The following UBFD1 variants were observed in gnomAD, a reference collection of about 807,000 sequenced individuals.
UBFD1 encodes ubiquitin domain-containing protein UBFD1.
A neutral mutation model predicts 35.1 loss-of-function variants in UBFD1; 12 were observed. That is an observed-to-expected ratio of 0.34 (90% CI 0.22 to 0.55). The LOEUF (loss-of-function observed/expected upper bound fraction) is 0.55, where lower values mean the gene tolerates loss of function less well. Ranked by LOEUF, UBFD1 falls within the 20% of genes least tolerant of loss-of-function variation. The probability of loss-of-function intolerance (pLI) is 0.89; values close to 1 mark genes in which losing one functional copy is unlikely to be tolerated. For synonymous variants in UBFD1, 178 were observed against 167.6 expected (o/e 1.06, Z -0.48); for missense variants, 337 against 410.8 (o/e 0.82, Z 1.55).
Position 23,562,690 on chromosome 16 carries a change from C to T in UBFD1, c.696C>T (p.Thr232=). The change falls in exon 5 of 7, where the codon ACC becomes ACT. Residue 232 remains threonine (T), a synonymous_variant. Transcript: ENST00000395878. ...YNKSGGKVRL[T]FKLEQDQLWI... ...AATCTGGAGGAAAAGTGAGACTCAC[C>T]TTTAAACTAGAACAAGACCAGCTGT... The T allele has an allele frequency of 6.2e-7, 1 of 1,614,180 alleles. No homozygotes were observed. Among genetic ancestry groups the T allele is most frequent in the Non-Finnish European group, 8.5e-7 (1 of 1,180,028 alleles).
chr16:23,557,860 G>C (rs1183118410), intron 1 of UBFD1, 90 bp from the exon 2 acceptor site: 2 of 1,270,192 alleles, frequency 1.6e-6, no homozygotes, highest in Non-Finnish European at 2.0e-6. Flanking sequence ...GGAGAACCGC[G>C]GCTCGGGAAC....
At chr16:23,568,309 G>A (rs1386079941) in intron 6 of UBFD1, among the ~76,000 whole-genome samples, 3 of 151,584 alleles carry the variant, frequency 2.0e-5, no homozygotes, top group Non-Finnish European at 4.4e-5. Flanking sequence ...ACAGGCTCAC[G>A]CCACCACACC....
chr16:23,563,391 C>G (rs1239612187), intron 5 of UBFD1, among the ~76,000 whole-genome samples: 2 of 152,010 alleles, frequency 1.3e-5, no homozygotes, highest in Non-Finnish European at 2.9e-5. Context: ...TCTGGATCAG[C>G]CTTGCTGTTT....
chr16:23,560,237 C>CT (rs1004382138), intron 3 of UBFD1, among the ~76,000 whole-genome samples: 1 of 152,172 alleles, frequency 6.6e-6, no homozygotes, highest in East Asian at 1.9e-4. Context: ...GTTCTCTGTT[C>CT]TTTTGGCTGC....
chr16:23,560,085 G>GA (rs1210069237), intron 3 of UBFD1, among the ~76,000 whole-genome samples: 1 of 152,178 alleles, frequency 6.6e-6, no homozygotes, highest in Non-Finnish European at 1.5e-5. Flanking sequence ...GCTAGGCATG[G>GA]AAATCAACAA....
chr16:23,570,453 C>T (rs769176583), intron 6 of UBFD1, 27 bp from the exon 7 acceptor site: 14 of 1,579,628 alleles, frequency 8.9e-6, no homozygotes, highest in Middle Eastern at 3.3e-4. Context: ...TCTGAAGTAC[C>T]GCTTGGTTTT....
Position 23,559,560 on chromosome 16 carries a change from A to G in UBFD1, c.448A>G (p.Ile150Val), listed in dbSNP as rs1278018507. The change falls in exon 3 of 7, where the codon ATC (isoleucine) becomes GTC (valine). Residue 150 changes from isoleucine (I) to valine (V), a missense_variant. Around this residue, in one of 4 missense-constraint regions of UBFD1, gnomAD observed 24 missense variants for 53.7 expected, o/e 0.45. Coordinates refer to ENST00000395878, the MANE Select transcript of UBFD1 (RefSeq NM_019116.3). ...REIKVTSGAKIMVVGSTINDV... is the reference protein window; with the variant it reads ...REIKVTSGAKVMVVGSTINDV... Reference sequence around the variant, plus strand: ...AATAAAAGTGACCAGTGGGGCCAAGATCATGGTGGTTGGCTCCACCATCAA... The same window carrying G: ...AATAAAAGTGACCAGTGGGGCCAAGGTCATGGTGGTTGGCTCCACCATCAA... 8 of 1,614,190 alleles carry G rather than the reference A, an allele frequency of 5.0e-6. No individual in the cohort carries two copies. Among genetic ancestry groups the G allele is most frequent in the Non-Finnish European group, 6.8e-6 (8 of 1,180,022 alleles).
Position 23,557,775 on chromosome 16 carries a change from C to A in UBFD1, c.25+8C>A. On this transcript the variant is annotated splice_region_variant and intron_variant, in intron 1 of 6. Coordinates refer to ENST00000395878, the MANE Select transcript of UBFD1 (RefSeq NM_019116.3). ...CGGCCGGGGCCCCGGATGGTGAGTG[C>A]GGCGGGGGTGGCGGGCGCCGGGCCG... 1 of 1,282,426 alleles carries A rather than the reference C, an allele frequency of 7.8e-7. No individual in the cohort carries two copies. The highest frequency in any genetic ancestry group is 3.2e-5 in the South Asian group (1 of 31,004). 79.4% of individuals were successfully genotyped at this position (1,282,426 alleles called of 1,614,324 possible). A position where few individuals can be genotyped will look rare whatever the true frequency, so the allele number is the denominator to read the frequency against.
chr16:23,567,632 T>C (rs972165179), intron 6 of UBFD1, among the ~76,000 whole-genome samples: 1 of 152,262 alleles, frequency 6.6e-6, no homozygotes, highest in Non-Finnish European at 1.5e-5. Context: ...TTGGAGGTGT[T>C]GTGCAGGTCT....
chr16:23,559,403 T>C (rs1025378518), intron 2 of UBFD1, 65 bp from the exon 3 acceptor site: 20 of 1,430,432 alleles, frequency 1.4e-5, no homozygotes, highest in Non-Finnish European at 1.7e-5. Context: ...CAAAGAGCTG[T>C]GTAGTATCCA....
intron 6 of UBFD1, among the ~76,000 whole-genome samples, chr16:23,568,400 C>T (rs374655018): frequency 1.5e-4 from 22 of 151,304 alleles, no homozygotes; most frequent in East Asian, 1.2e-3. Flanking sequence ...CCTGGCGATC[C>T]GCCCACCTCA....
chr16:23,571,197 T>C lies in UBFD1; in HGVS notation c.*607T>C, dbSNP rs1280547175. On this transcript the variant is annotated 3_prime_UTR_variant, in exon 7 of 7. Coordinates refer to ENST00000395878, the MANE Select transcript of UBFD1 (RefSeq NM_019116.3). The stretch of plus-strand genomic sequence containing the variant: ...AAGAACCCAAAGATGTCAGTTCTTC[T>C]TTTGGTACCTCATCAACGCTTCCTT... 1.3e-5 allele frequency: 2 copies of C among 152,790 alleles called. No individual in the cohort carries two copies. Among genetic ancestry groups the C allele is most frequent in the East Asian group, 1.9e-4 (1 of 5,192 alleles). The allele number at this position is 152,790 out of a possible 1,614,324, so 9.5% of individuals were successfully genotyped here.
chr16:23,558,053 G>T lies in UBFD1; in HGVS notation c.129G>T (p.Ala43=), dbSNP rs1461517401. Residue 43 remains alanine (A), a synonymous_variant, in exon 2 of 7, where the codon GCG becomes GCT. Transcript: ENST00000395878. ...AGGCTGAAGCCGCGGCGGGGGCGGC[G>T]GCCGAGGACTCCGGCGCCGCACGAG... The part of the protein sequence containing the change: ...CLEAEAAAGA[A]AEDSGAARGS... 3.7e-6 allele frequency: 5 copies of T among 1,339,320 alleles called. No individual in the cohort carries two copies. Among genetic ancestry groups the T allele is most frequent in the Non-Finnish European group, 4.8e-6 (5 of 1,048,554 alleles). The allele number at this position is 1,339,320 out of a possible 1,614,324, so 83.0% of individuals were successfully genotyped here. A position where few individuals can be genotyped will look rare whatever the true frequency, so the allele number is the denominator to read the frequency against.
rs1342432072 is a variant in UBFD1, at chr16:23,570,499, C to T, written c.839C>T (p.Thr280Met). The change falls in exon 7 of 7, where the codon ACG (threonine) becomes ATG (methionine). Residue 280 changes from threonine to methionine, a missense_variant. By Grantham distance (81) the Thr-to-Met change is moderately conservative (BLOSUM62 -1). Transcript: ENST00000395878. ...TTCCAGGCGTTTCAGTTGGGCCCCA[C>T]GGAAGCCTCTTACTACTGGGTGTAC... is the stretch of plus-strand genomic sequence containing the variant. ...YHMMAFQLGPTEASYYWVYWV... is the reference protein window; with the variant it reads ...YHMMAFQLGPMEASYYWVYWV... The T allele has an allele frequency of 2.5e-6, 4 of 1,613,870 alleles. No homozygotes were observed. The highest frequency in any genetic ancestry group is 2.2e-5 in the East Asian group (1 of 44,894).
At chr16:23,559,742 G>T in intron 3 of UBFD1, 66 bp downstream of exon 3, 3 of 1,601,102 alleles carry the variant, frequency 1.9e-6, no homozygotes, top group Non-Finnish European at 2.6e-6. Context: ...GCCGTGGCTG[G>T]TTATATTCTC....
At chr16:23,562,048 A>G in intron 3 of UBFD1, 158 bp from the exon 4 acceptor site, 1 of 637,126 alleles carries the variant, frequency 1.6e-6, no homozygotes, top group Non-Finnish European at 2.7e-6. Flanking sequence ...GTTCTGCTGG[A>G]CAGCACTGTG....
chr16:23,558,409 C>A, intron 2 of UBFD1, 130 bp downstream of exon 2: 5 of 1,146,616 alleles, frequency 4.4e-6, no homozygotes, highest in Non-Finnish European at 6.0e-6. Context: ...CTGAAGGATA[C>A]TTGGATGCCC....
chr16:23,569,761 A>G, intron 6 of UBFD1: 1 of 152,146 alleles, frequency 6.6e-6, no homozygotes. Context: ...CGTCCTTCCC[A>G]TCTATCCATT....
In UBFD1 at chr16:23,559,670, G is replaced by A; in HGVS notation, c.558G>A (p.Arg186=). ...AEENKKEPLC[R]QKQHRKVLDK... is the part of the protein sequence containing the mutation. Reference sequence around the variant, plus strand: ...AGAACAAGAAGGAGCCTCTCTGCAGGCAGAAAGTGAGTCCATCTTGTGCTT... The same window carrying A: ...AGAACAAGAAGGAGCCTCTCTGCAGACAGAAAGTGAGTCCATCTTGTGCTT... Residue 186 remains arginine, a synonymous_variant, in exon 3 of 7, where the codon AGG becomes AGA. Transcript: ENST00000395878. 2 of 1,614,226 alleles carry A rather than the reference G, an allele frequency of 1.2e-6. No individual in the cohort carries two copies. Among genetic ancestry groups the A allele is most frequent in the Non-Finnish European group, 8.5e-7 (1 of 1,180,038 alleles).
Sources: allele counts gnomAD v4.1 joint callset (sites outside exome capture counted in the v4.1 genomes callset), GRCh38; gene constraint gnomAD v4.1.1; regional missense constraint gnomAD v4.1.1; transcripts MANE v1.5; gene names NCBI Gene and HGNC (gene_info 2026-07-23, HGNC 2026-07-21).